Variants in TP53BP1 observed in about 807,000 individuals in gnomAD.
TP53BP1 encodes tumor protein p53 binding protein 1.
Under a neutral mutation model 200.8 loss-of-function variants are expected in TP53BP1, and 61 were observed. That is an observed-to-expected ratio of 0.30 (90% CI 0.25 to 0.38). TP53BP1 has a LOEUF of 0.38. TP53BP1 is among the 10% of genes least tolerant of loss of function. The probability of loss-of-function intolerance (pLI) is 1.00; values close to 1 mark genes in which losing one functional copy is unlikely to be tolerated. For synonymous variants in TP53BP1, 822 were observed against 844.3 expected, an observed-to-expected ratio of 0.97 and a Z score of 0.46; for missense variants, 2,144 against 2,371.9, an observed-to-expected ratio of 0.90 and a Z score of 2.00.
chr15:43,434,522 C>T (rs2045745578), intron 16 of TP53BP1, among the ~76,000 whole-genome samples: 2 of 152,174 alleles, frequency 1.3e-5, no homozygotes, highest in South Asian at 4.1e-4. Flanking sequence ...CCAAGACTTA[C>T]ATTAAATCCT....
intron 12 of TP53BP1, 147 bp from the exon 13 acceptor site, chr15:43,447,632 C>T (rs2046074825): frequency 1.2e-5 from 9 of 754,248 alleles, no homozygotes; most frequent in Non-Finnish European, 1.6e-5. Flanking sequence ...TCATTGCCAC[C>T]ACCCTCACCA....
chr15:43,403,769 T>TG lies in TP53BP1; in HGVS notation c.*3613dup. 6.2e-7 allele frequency: 1 copy of TG among 1,613,930 alleles called. No individual in the cohort carries two copies. The highest frequency in any genetic ancestry group is 8.5e-7 in the Non-Finnish European group (1 of 1,179,964). Reference sequence around the variant, plus strand: ...AGAACCTAGGCCCACTGGATGAGCGTGGAGCCGCCCAGCTGAGCATTCTCG... The same window carrying TG: ...AGAACCTAGGCCCACTGGATGAGCGTGGGAGCCGCCCAGCTGAGCATTCTCG... On this transcript the variant is annotated 3_prime_UTR_variant, in exon 28 of 28. Coordinates refer to ENST00000382044, the MANE Select transcript of TP53BP1 (RefSeq NM_001141980.3).
intron 4 of TP53BP1, among the ~76,000 whole-genome samples, chr15:43,481,536 G>A (rs1238521819): frequency 2.0e-5 from 3 of 151,180 alleles, no homozygotes; most frequent in Non-Finnish European, 4.4e-5. Context: ...CAGAGTCTGG[G>A]CCGGGCACAG....
intron 9 of TP53BP1, among the ~76,000 whole-genome samples, chr15:43,475,211 A>G (rs2078862650): frequency 6.6e-6 from 1 of 152,228 alleles, no homozygotes; most frequent in African/African-American, 2.4e-5. Context: ...AACATAAAGA[A>G]ATCCAACTAC....
At chr15:43,477,806 T>C in intron 7 of TP53BP1, 47 bp from the exon 8 acceptor site, 2 of 1,395,956 alleles carry the variant, frequency 1.4e-6, no homozygotes, top group Non-Finnish European at 1.9e-6. Context: ...AGTTCAAATG[T>C]TTTTAAATAA....
intron 11 of TP53BP1, among the ~76,000 whole-genome samples, chr15:43,462,509 G>T (rs1284073105): frequency 6.6e-6 from 1 of 151,750 alleles, no homozygotes; most frequent in Non-Finnish European, 1.5e-5. Context: ...AGAGACGGGG[G>T]CCTCACTATG....
chr15:43,469,746 T>A (rs2046677102), intron 11 of TP53BP1, 112 bp downstream of exon 11: 1 of 934,986 alleles, frequency 1.1e-6, no homozygotes, highest in African/African-American at 1.7e-5. Context: ...TACTAAAATA[T>A]CACAAAATTA....
intron 10 of TP53BP1, 105 bp from the exon 11 acceptor site, chr15:43,470,171 A>C: frequency 1.1e-6 from 1 of 952,218 alleles, no homozygotes; most frequent in South Asian, 1.6e-5. Context: ...TCACTCTAAA[A>C]AAATAGTGAC....
intron 16 of TP53BP1, among the ~76,000 whole-genome samples, chr15:43,435,452 A>C (rs773849115): frequency 2.6e-5 from 4 of 151,932 alleles, no homozygotes; most frequent in Non-Finnish European, 4.4e-5. Flanking sequence ...ACATCTTGGC[A>C]CCTCTATTTT....
At chr15:43,415,916 C>G (rs955790289) in intron 22 of TP53BP1, 107 bp from the exon 23 acceptor site, 4 of 938,654 alleles carry the variant, frequency 4.3e-6, no homozygotes, top group Middle Eastern at 2.3e-4. Context: ...TTCCTTCCCC[C>G]ACTTCCCATG....
At chr15:43,459,940 C>T (rs1188731098) in intron 11 of TP53BP1, among the ~76,000 whole-genome samples, 1 of 151,980 alleles carries the variant, frequency 6.6e-6, no homozygotes. Context: ...TTGCCTAGGG[C>T]GGGAGAAGGG....
intron 16 of TP53BP1, among the ~76,000 whole-genome samples, chr15:43,433,239 ACAACTAAACATTTCAG>A (rs940309520): frequency 6.6e-5 from 10 of 152,172 alleles, no homozygotes; most frequent in African/African-American, 2.4e-4. Flanking sequence ...TGATATATCT[ACAACTAAACATTTCAG>A]AATGAATTGG....
chr15:43,476,874 C>T (rs545137073), intron 8 of TP53BP1, among the ~76,000 whole-genome samples: 15 of 152,214 alleles, frequency 9.9e-5, no homozygotes, highest in Non-Finnish European at 2.1e-4. Flanking sequence ...ATGTCCTTTC[C>T]GCTAGATTTT....
chr15:43,404,695 T>A lies in TP53BP1; in HGVS notation c.*2688A>T. The A allele has an allele frequency of 1.2e-6, 1 of 833,292 alleles. No homozygotes were observed. The highest frequency in any genetic ancestry group is 1.8e-6 in the Non-Finnish European group (1 of 551,230). 51.6% of individuals were successfully genotyped at this position (833,292 alleles called of 1,614,324 possible). A position where few individuals can be genotyped will look rare whatever the true frequency, so the allele number is the denominator to read the frequency against. ...TTAGAGATAGAGGTGTGACCATCTT[T>A]AATAATTTTAATGGAGGTTATTTTC... is the stretch of plus-strand genomic sequence containing the variant. On this transcript the variant is annotated 3_prime_UTR_variant, in exon 28 of 28. Transcript: ENST00000382044.
At chr15:43,487,622 G>A (rs942293195) in intron 4 of TP53BP1, among the ~76,000 whole-genome samples, 2 of 151,826 alleles carry the variant, frequency 1.3e-5, no homozygotes, top group African/African-American at 2.4e-5. Flanking sequence ...GTGAAATCCC[G>A]CCTCTACTAA....
chr15:43,404,453 C>G lies in TP53BP1; in HGVS notation c.*2930G>C. The G allele has an allele frequency of 1.2e-6, 2 of 1,614,162 alleles. No homozygotes were observed. Among genetic ancestry groups the G allele is most frequent in the Non-Finnish European group, 1.7e-6 (2 of 1,180,024 alleles). On this transcript the variant is annotated 3_prime_UTR_variant, in exon 28 of 28. Transcript: ENST00000382044. Reference sequence around the variant, plus strand: ...TCTTCACTCCTGTTCAAGATTCTCTCCAGTGTTCGGAATCATCAGATCAAC... The same window carrying G: ...TCTTCACTCCTGTTCAAGATTCTCTGCAGTGTTCGGAATCATCAGATCAAC...
chr15:43,406,166 A>G lies in TP53BP1; in HGVS notation c.*1217T>C, dbSNP rs1301693380. 2.6e-5 allele frequency: 4 copies of G among 153,002 alleles called. No individual in the cohort carries two copies. The highest frequency in any genetic ancestry group is 9.7e-5 in the African/African-American group (4 of 41,434). 9.5% of individuals were successfully genotyped at this position (153,002 alleles called of 1,614,324 possible). On this transcript the variant is annotated 3_prime_UTR_variant, in exon 28 of 28. Transcript: ENST00000382044. ...CAGGCCCAATTACCCATCTTACACAAACCATAGGGGTTGAAGTTATCTTAA... is the reference window on the plus strand; with the variant it reads ...CAGGCCCAATTACCCATCTTACACAGACCATAGGGGTTGAAGTTATCTTAA...
intron 12 of TP53BP1, 47 bp from the exon 13 acceptor site, chr15:43,447,532 T>A (rs1333708659): frequency 9.9e-6 from 14 of 1,408,830 alleles, no homozygotes; most frequent in African/African-American, 6.0e-5. Flanking sequence ...AAAAATGATT[T>A]AAAAAAAACA....
chr15:43,442,878 T>G (rs1595561209), intron 14 of TP53BP1, among the ~76,000 whole-genome samples: 1 of 133,162 alleles, frequency 7.5e-6, no homozygotes, highest in East Asian at 2.3e-4. Flanking sequence ...CAGGCTGGAG[T>G]GCAGTGGCAT....
Sources: gnomAD v4.1 joint callset for allele counts (sites outside exome capture counted in the v4.1 genomes callset) on GRCh38, gnomAD v4.1.1 for gene constraint, MANE v1.5 for transcripts, NCBI Gene and HGNC (gene_info 2026-07-23, HGNC 2026-07-21) for gene names.